Variants in LAMA2 observed in about 807,000 individuals in gnomAD.
The protein encoded by LAMA2 is laminin subunit alpha 2.
In LAMA2, 269 loss-of-function variants were observed where a neutral mutation model predicts 364.8. The observed-to-expected ratio is 0.74, with a 90% CI of 0.67 to 0.82. LAMA2 has a LOEUF of 0.82. Ranked by LOEUF, LAMA2 falls within the 40% of genes least tolerant of loss-of-function variation. The pLI is 0.00. For synonymous variants in LAMA2, 1,379 were observed against 1,370.6 expected, an observed-to-expected ratio of 1.01 and a Z score of -0.14; for missense variants, 3,807 against 3,873.2, an observed-to-expected ratio of 0.98 and a Z score of 0.45.
intron 37 of LAMA2, among the ~76,000 whole-genome samples, chr6:129,399,711 G>A (rs1199803914): frequency 6.6e-6 from 1 of 152,136 alleles, no homozygotes; most frequent in Non-Finnish European, 1.5e-5. Flanking sequence ...AGAGCACATA[G>A]TGGGAATATC....
chr6:129,076,225 A>T (rs1773623769), intron 3 of LAMA2, among the ~76,000 whole-genome samples: 1 of 151,650 alleles, frequency 6.6e-6, no homozygotes, highest in Non-Finnish European at 1.5e-5. Flanking sequence ...GAAAGCAGGT[A>T]TAGAGATAAA....
intron 2 of LAMA2, among the ~76,000 whole-genome samples, chr6:129,053,201 C>A: frequency 6.6e-6 from 1 of 152,124 alleles, no homozygotes; most frequent in East Asian, 1.9e-4. Context: ...GCCTCAGCCT[C>A]CTGAGAGGCA....
intron 12 of LAMA2, among the ~76,000 whole-genome samples, chr6:129,225,039 A>G (rs1784149749): frequency 1.3e-5 from 2 of 152,074 alleles, no homozygotes; most frequent in African/African-American, 4.8e-5. Context: ...CAGAGATTCA[A>G]CTTCTTCCTT....
chr6:128,945,438 G>A (rs566666475), intron 1 of LAMA2, among the ~76,000 whole-genome samples: 1 of 152,156 alleles, frequency 6.6e-6, no homozygotes. Context: ...AAGAACAGCT[G>A]CTTTTTCTTA....
intron 4 of LAMA2, among the ~76,000 whole-genome samples, chr6:129,126,262 T>G (rs1777111343): frequency 6.6e-6 from 1 of 152,028 alleles, no homozygotes; most frequent in South Asian, 2.1e-4. Context: ...GCTTGTGGAG[T>G]AGGTTGTGTT....
At chr6:129,314,340 A>G in intron 23 of LAMA2, among the ~76,000 whole-genome samples, 1 of 148,242 alleles carries the variant, frequency 6.7e-6, no homozygotes, top group Non-Finnish European at 1.5e-5. Context: ...CGGAGCTTGC[A>G]GTGAGCAGAG....
intron 40 of LAMA2, among the ~76,000 whole-genome samples, chr6:129,412,500 G>GA (rs371187239): frequency 2.0e-5 from 3 of 151,420 alleles, no homozygotes; most frequent in African/African-American, 7.3e-5. Flanking sequence ...GACAGAGAGA[G>GA]AAAAAAATAA....
intron 13 of LAMA2, 99 bp from the exon 14 acceptor site, chr6:129,251,985 G>A (rs1420829733): frequency 1.4e-6 from 1 of 731,582 alleles, no homozygotes; most frequent in Non-Finnish European, 2.3e-6. Context: ...AAAGTTAAAA[G>A]TCTATTGAGG....
At chr6:129,434,573 A>G (rs1781749076) in intron 41 of LAMA2, among the ~76,000 whole-genome samples, 1 of 152,182 alleles carries the variant, frequency 6.6e-6, no homozygotes, top group Admixed American at 6.6e-5. Context: ...TATTCTCCAG[A>G]AATCACAAGT....
intron 17 of LAMA2, among the ~76,000 whole-genome samples, chr6:129,271,881 C>T (rs756419482): frequency 5.3e-5 from 8 of 151,990 alleles, no homozygotes; most frequent in Admixed American, 3.3e-4. Context: ...ACCCAGAATG[C>T]GCCTAATTAA....
At chr6:129,008,058 A>C (rs1784543306) in intron 1 of LAMA2, among the ~76,000 whole-genome samples, 1 of 152,182 alleles carries the variant, frequency 6.6e-6, no homozygotes, top group Admixed American at 6.5e-5. Flanking sequence ...ATTTGAAAGA[A>C]AAAAGTCAAT....
At position 129,059,781 on chromosome 6, in the gene LAMA2, T is replaced by C. The variant is rs2114795368; in HGVS notation, c.284-3T>C. On this transcript the variant is annotated splice_region_variant and splice_polypyrimidine_tract_variant and intron_variant, in intron 2 of 64. Transcript: ENST00000421865. Reference sequence around the variant, plus strand: ...CTTTCATATGATGCTGCTAACTCAATAGAGAGACACCCGATTACAAATGCT... The same window carrying C: ...CTTTCATATGATGCTGCTAACTCAACAGAGAGACACCCGATTACAAATGCT... The C allele has an allele frequency of 3.2e-6, 5 of 1,566,090 alleles. No homozygotes were observed. In the East Asian group the frequency reaches 1.1e-4, roughly 35 times the overall value.
chr6:129,307,374 C>T (rs1181910348), intron 22 of LAMA2, among the ~76,000 whole-genome samples: 1 of 152,212 alleles, frequency 6.6e-6, no homozygotes, highest in Non-Finnish European at 1.5e-5. Flanking sequence ...GTCAATGACT[C>T]AAGAGAACGC....
rs779189699 is a variant in LAMA2 at position 129,455,582 on chromosome 6, G to C, written c.6708-753G>C. ...CAGGGAAATATGACATCGAAGTTTT[G>C]TTATGACTGCTTGTCTCAAAAGAGA... On this transcript the variant is annotated intron_variant, in intron 47 of 64. Transcript: ENST00000421865. Among the ~76,000 whole-genome samples the C allele has an allele frequency of 7.2e-5, 11 of 152,240 alleles. No individual in the cohort carries two copies. The South Asian group carries it at 1.2e-3, about 17-fold the overall frequency.
intron 4 of LAMA2, among the ~76,000 whole-genome samples, chr6:129,132,269 C>T (rs550784974): frequency 6.6e-6 from 1 of 151,890 alleles, no homozygotes; most frequent in South Asian, 2.1e-4. Flanking sequence ...CGGGTTCATG[C>T]CATTCTCCCA....
chr6:129,471,466 C>T (rs554581677), intron 51 of LAMA2, among the ~76,000 whole-genome samples: 98 of 152,000 alleles, frequency 6.4e-4, no homozygotes, highest in African/African-American at 2.3e-3. Flanking sequence ...AAAACCACCT[C>T]CAGTCACTGG....
intron 41 of LAMA2, among the ~76,000 whole-genome samples, chr6:129,435,796 C>G (rs1401035785): frequency 6.6e-6 from 1 of 152,092 alleles, no homozygotes; most frequent in East Asian, 1.9e-4. Context: ...ATCCAGACAC[C>G]GATAGTTCAG....
rs1270251583 is a variant in LAMA2, at chr6:129,208,701, A to C, written c.1782+15848A>C. ...AGAAGGAAAGAAAGAAAAAGGAAGG[A>C]AGGAAGGAAAAGGGAGGGAGGGAGG... On this transcript the variant is annotated intron_variant, in intron 12 of 64. Coordinates refer to ENST00000421865, the MANE Select transcript of LAMA2 (RefSeq NM_000426.4). Among the ~76,000 whole-genome samples the C allele has an allele frequency of 3.2e-5, 4 of 124,278 alleles. No individual in the cohort carries two copies. The East Asian group carries it at 1.0e-3, about 32-fold the overall frequency. 81.5% of individuals were successfully genotyped at this position (124,278 alleles called of 152,430 possible).
At chr6:129,401,103 T>C (rs1583663339) in intron 37 of LAMA2, 121 bp from the exon 38 acceptor site, 2 of 778,512 alleles carry the variant, frequency 2.6e-6, no homozygotes, top group Non-Finnish European at 4.7e-6. Context: ...TCTAGCCACA[T>C]TTCAACATGA....
Sources: allele counts gnomAD v4.1 joint callset (sites outside exome capture counted in the v4.1 genomes callset), GRCh38; gene constraint gnomAD v4.1.1; transcripts MANE v1.5; gene names NCBI Gene and HGNC (gene_info 2026-07-23, HGNC 2026-07-21).